HIKESHI: variants seen among roughly 807,000 people sequenced by gnomAD.
HIKESHI encodes the protein protein Hikeshi.
Under a neutral mutation model 25.7 loss-of-function variants are expected in HIKESHI, and 13 were observed. The observed-to-expected ratio is 0.51, with a 90% CI of 0.33 to 0.80. HIKESHI has a LOEUF of 0.80. Among genes scored for constraint, HIKESHI ranks in the 30% least tolerant of loss-of-function variants. The pLI, the probability that HIKESHI is intolerant of heterozygous loss-of-function variation, is 0.02. For synonymous variants in HIKESHI, 76 were observed against 78.7 expected, an observed-to-expected ratio of 0.97 and a Z score of 0.18; for missense variants, 174 against 229.5, an observed-to-expected ratio of 0.76 and a Z score of 1.56.
chr11:86,308,436 G>C (rs956977125), intron 2 of HIKESHI, among the ~76,000 whole-genome samples: 2 of 146,428 alleles, frequency 1.4e-5, no homozygotes, highest in African/African-American at 5.0e-5. Context: ...AAACCAGATA[G>C]ACTTGTATAA....
chr11:86,312,500 G>C (rs1270344729), intron 2 of HIKESHI, among the ~76,000 whole-genome samples: 1 of 151,866 alleles, frequency 6.6e-6, no homozygotes, highest in African/African-American at 2.4e-5. Context: ...GATGGGTCTT[G>C]ACTCTTTATC....
chr11:86,315,107 G>A (rs899654758), intron 2 of HIKESHI, among the ~76,000 whole-genome samples: 8 of 152,150 alleles, frequency 5.3e-5, no homozygotes, highest in Non-Finnish European at 1.2e-4. Flanking sequence ...GTGCCTAGAA[G>A]TAGACAGTGT....
chr11:86,344,955 A>G (rs1274915579), intron 4 of HIKESHI: 5 of 535,790 alleles, frequency 9.3e-6, no homozygotes, highest in African/African-American at 1.9e-5. Flanking sequence ...ATAGTTGCCT[A>G]TGTTTTAGGG....
intron 3 of HIKESHI, among the ~76,000 whole-genome samples, chr11:86,339,862 AT>A (rs1947673909): frequency 6.6e-6 from 1 of 152,258 alleles, no homozygotes; most frequent in East Asian, 1.9e-4. Flanking sequence ...CGTCATTTAC[AT>A]TAGGTATTTC....
chr11:86,317,686 G>C (rs1037866537), intron 2 of HIKESHI, among the ~76,000 whole-genome samples: 1 of 151,776 alleles, frequency 6.6e-6, no homozygotes, highest in Admixed American at 6.6e-5. Flanking sequence ...CGCGCCTGTT[G>C]TCCCAGCACT....
intron 2 of HIKESHI, among the ~76,000 whole-genome samples, chr11:86,313,946 T>C (rs1023493148): frequency 1.3e-5 from 2 of 152,162 alleles, no homozygotes; most frequent in Admixed American, 6.6e-5. Flanking sequence ...TGTCCTCAGA[T>C]TGACATCAGG....
At chr11:86,306,126 T>C in intron 1 of HIKESHI, 119 bp from the exon 2 acceptor site, 1 of 687,944 alleles carries the variant, frequency 1.5e-6, no homozygotes, top group South Asian at 1.9e-5. Context: ...AGATTTAACA[T>C]TCTATTTGGT....
At chr11:86,341,488 C>CTTTTTTTTTTTTTTTTTTT (rs112151717) in intron 3 of HIKESHI, among the ~76,000 whole-genome samples, 1 of 142,808 alleles carries the variant, frequency 7.0e-6, no homozygotes. Flanking sequence ...TGGAATTCTC[C>CTTTTTTTTTTTTTTTTTTT]TTTTTTTTTT....
intron 2 of HIKESHI, among the ~76,000 whole-genome samples, chr11:86,314,705 A>T (rs1946927870): frequency 6.6e-6 from 1 of 152,170 alleles, no homozygotes; most frequent in Non-Finnish European, 1.5e-5. Context: ...GATAAATACT[A>T]ATCTCTAATT....
At chr11:86,332,419 A>G (rs1231124404) in intron 2 of HIKESHI, among the ~76,000 whole-genome samples, 1 of 152,176 alleles carries the variant, frequency 6.6e-6, no homozygotes, top group African/African-American at 2.4e-5. Context: ...TAGAGGTCTT[A>G]AAGAACAGAG....
chr11:86,317,673 G>T (rs563787521), intron 2 of HIKESHI, among the ~76,000 whole-genome samples: 2 of 152,032 alleles, frequency 1.3e-5, no homozygotes, highest in Admixed American at 1.3e-4. Flanking sequence ...TGGTGTGGTG[G>T]TGCGCGCCTG....
Position 86,319,776 on chromosome 11 carries a change from T to A in HIKESHI, c.268+13294T>A, listed in dbSNP as rs530542144. On this transcript the variant is annotated intron_variant, in intron 2 of 4. Coordinates refer to ENST00000278483, the MANE Select transcript of HIKESHI (RefSeq NM_016401.4). ...AAGAAACTACTTGGACTTAGAGGTTTAATCAGATTTTAGTTTTTTAAGTTT... is the reference window on the plus strand; with the variant it reads ...AAGAAACTACTTGGACTTAGAGGTTAAATCAGATTTTAGTTTTTTAAGTTT... 5.3e-5 allele frequency among the ~76,000 whole-genome samples: 8 copies of A among 152,332 alleles called. No homozygotes were observed. The South Asian group carries it at 1.0e-3, about 20-fold the overall frequency.
intron 1 of HIKESHI, 92 bp downstream of exon 1, chr11:86,302,570 G>A (rs140737016): frequency 0.012 from 17,630 of 1,434,240 alleles, 148 homozygotes; most frequent in Middle Eastern, 0.018. Flanking sequence ...TAGGGATGCG[G>A]GGAAGCCCAC....
At chr11:86,344,907 A>G in intron 4 of HIKESHI, 186 bp downstream of exon 4, 2 of 539,684 alleles carry the variant, frequency 3.7e-6, no homozygotes, top group South Asian at 3.8e-5. Flanking sequence ...ATATTTTGTT[A>G]TATTGTCGCC....
intron 2 of HIKESHI, among the ~76,000 whole-genome samples, chr11:86,316,072 G>A (rs1208285397): frequency 6.9e-6 from 1 of 145,976 alleles, no homozygotes; most frequent in Non-Finnish European, 1.5e-5. Flanking sequence ...TTGAGCCTAG[G>A]AGTCCAAGAC....
At chr11:86,307,187 TTA>T (rs916530864) in intron 2 of HIKESHI, among the ~76,000 whole-genome samples, 9 of 81,562 alleles carry the variant, frequency 1.1e-4, no homozygotes, top group African/African-American at 3.8e-4. Context: ...CAAATATATA[TTA>T]TGTGTAATAT....
At position 86,319,242 on chromosome 11, in the gene HIKESHI, A is replaced by ATATTTTTTTTTT. The variant is rs1383589741; in HGVS notation, c.268+12761_268+12762insATTTTTTTTTTT. ...AATATATATATATATATATATATAT[A>ATATTTTTTTTTT]TTTTTTTTTTTTTTGAGACCAGTCT... On this transcript the variant is annotated intron_variant, in intron 2 of 4. Transcript: ENST00000278483. Among the ~76,000 whole-genome samples, 6 of 94,952 alleles carry ATATTTTTTTTTT rather than the reference A, an allele frequency of 6.3e-5. No homozygotes were observed. The East Asian group carries it at 1.4e-3, about 22-fold the overall frequency. The allele number at this position is 94,952 out of a possible 152,430, so 62.3% of individuals were successfully genotyped here. A position where few individuals can be genotyped will look rare whatever the true frequency, so the allele number is the denominator to read the frequency against.
intron 2 of HIKESHI, among the ~76,000 whole-genome samples, chr11:86,314,353 C>A (rs779562309): frequency 6.6e-6 from 1 of 151,964 alleles, no homozygotes; most frequent in African/African-American, 2.4e-5. Flanking sequence ...TGGTGGCTCA[C>A]GCCTGTAATC....
chr11:86,313,309 C>T (rs1946884112), intron 2 of HIKESHI, among the ~76,000 whole-genome samples: 1 of 152,178 alleles, frequency 6.6e-6, no homozygotes, highest in Non-Finnish European at 1.5e-5. Flanking sequence ...TTGCTCACTG[C>T]AATCTCCACC....
Sources: gnomAD v4.1 joint callset for allele counts (sites outside exome capture counted in the v4.1 genomes callset) on GRCh38, gnomAD v4.1.1 for gene constraint, MANE v1.5 for transcripts, NCBI Gene and HGNC (gene_info 2026-07-23, HGNC 2026-07-21) for gene names.